ARHGAP24: variants seen among roughly 807,000 people sequenced by gnomAD.
ARHGAP24 encodes the protein rho GTPase-activating protein 24.
ARHGAP24 carries 50 observed loss-of-function variants against 76.4 expected under a neutral mutation model. The observed-to-expected ratio is 0.65, with a 90% CI of 0.52 to 0.83. The LOEUF is 0.83. ARHGAP24 is among the 40% of genes least tolerant of loss of function. ARHGAP24 has a pLI of 0.00. For missense variants in ARHGAP24, 930 were observed against 914.2 expected, an observed-to-expected ratio of 1.02 and a Z score of -0.22; for synonymous variants, 345 against 323.3, an observed-to-expected ratio of 1.07 and a Z score of -0.72.
intron 5 of ARHGAP24, among the ~76,000 whole-genome samples, chr4:85,967,882 G>T (rs908184361): frequency 6.6e-6 from 1 of 152,064 alleles, no homozygotes; most frequent in Non-Finnish European, 1.5e-5. Flanking sequence ...GGCCAAAATG[G>T]TTCAGAATGT....
chr4:85,994,793 A>T lies in ARHGAP24; in HGVS notation c.1139A>T (p.Glu380Val). 2 of 1,614,146 alleles carry T rather than the reference A, an allele frequency of 1.2e-6. No individual in the cohort carries two copies. The highest frequency in any genetic ancestry group is 1.7e-6 in the Non-Finnish European group (2 of 1,180,026). ...PSRQCSWDKS[E>V]SPQRSSMNNG... ...AGGCAGTGCTCCTGGGACAAGTCTGAGTCACCCCAGAGAAGCAGCATGAAC... is the reference window on the plus strand; with the variant it reads ...AGGCAGTGCTCCTGGGACAAGTCTGTGTCACCCCAGAGAAGCAGCATGAAC... Residue 380 changes from glutamate to valine, a missense_variant, in exon 9 of 10, where the codon GAG becomes GTG. Physicochemically the swap from Glu to Val is moderately radical, Grantham distance 121 (BLOSUM62 -2). Coordinates refer to ENST00000395184, the MANE Select transcript of ARHGAP24 (RefSeq NM_001025616.3).
chr4:85,622,194 C>A (rs1720741854), intron 2 of ARHGAP24, among the ~76,000 whole-genome samples: 1 of 151,142 alleles, frequency 6.6e-6, no homozygotes, highest in South Asian at 2.1e-4. Flanking sequence ...TGTGCTGCAC[C>A]CACTAACTTG....
chr4:85,502,774 G>A (rs1279225323), intron 1 of ARHGAP24, among the ~76,000 whole-genome samples: 1 of 152,174 alleles, frequency 6.6e-6, no homozygotes, highest in Non-Finnish European at 1.5e-5. Flanking sequence ...GGAGTGGTGA[G>A]AGAGGGCATC....
chr4:85,979,761 C>T (rs1364600109), intron 8 of ARHGAP24, among the ~76,000 whole-genome samples: 2 of 152,094 alleles, frequency 1.3e-5, no homozygotes, highest in Non-Finnish European at 2.9e-5. Flanking sequence ...CTTTACTTAC[C>T]AGCTTTTAAA....
At chr4:85,841,368 G>A (rs1280397409) in intron 3 of ARHGAP24, among the ~76,000 whole-genome samples, 1 of 152,174 alleles carries the variant, frequency 6.6e-6, no homozygotes, top group Non-Finnish European at 1.5e-5. Flanking sequence ...GCTAAACTGT[G>A]TTGATTGTAG....
chr4:85,939,023 G>A (rs1183928992), intron 4 of ARHGAP24, among the ~76,000 whole-genome samples: 8 of 152,146 alleles, frequency 5.3e-5, no homozygotes, highest in South Asian at 4.2e-4. Context: ...ATATCCCACC[G>A]CCTCGAACAA....
chr4:85,572,607 TATTA>T (rs1219953515), intron 2 of ARHGAP24, among the ~76,000 whole-genome samples: 3 of 152,142 alleles, frequency 2.0e-5, no homozygotes, highest in Non-Finnish European at 4.4e-5. Flanking sequence ...ATGAAAATTA[TATTA>T]ATTCATAGTA....
At chr4:85,684,167 A>C (rs1421833013) in intron 2 of ARHGAP24, among the ~76,000 whole-genome samples, 1 of 152,196 alleles carries the variant, frequency 6.6e-6, no homozygotes, top group East Asian at 1.9e-4. Flanking sequence ...TTTTTCAAGA[A>C]AGCTAAAAAC....
chr4:85,665,568 TG>T (rs1293477922), intron 2 of ARHGAP24, among the ~76,000 whole-genome samples: 4 of 152,322 alleles, frequency 2.6e-5, no homozygotes, highest in Non-Finnish European at 5.9e-5. Flanking sequence ...TGATGTTAGC[TG>T]GTTATTTTGC....
chr4:85,482,756 G>C (rs181953760), intron 1 of ARHGAP24, among the ~76,000 whole-genome samples: 1 of 152,158 alleles, frequency 6.6e-6, no homozygotes, highest in Non-Finnish European at 1.5e-5. Context: ...CTTGTCATAG[G>C]TTATCTCATT....
intron 3 of ARHGAP24, among the ~76,000 whole-genome samples, chr4:85,860,254 A>G (rs779005589): frequency 6.6e-6 from 1 of 151,784 alleles, no homozygotes; most frequent in Non-Finnish European, 1.5e-5. Context: ...GTGTAGAGAG[A>G]TGGGGGAGTC....
At chr4:85,564,389 G>A (rs1294147171) in intron 1 of ARHGAP24, among the ~76,000 whole-genome samples, 8 of 142,016 alleles carry the variant, frequency 5.6e-5, no homozygotes, top group Admixed American at 1.4e-4. Context: ...ACCGGGGCCT[G>A]TTGTGGGGTG....
chr4:85,872,511 G>T (rs1225009701), intron 3 of ARHGAP24, among the ~76,000 whole-genome samples: 1 of 150,200 alleles, frequency 6.7e-6, no homozygotes, highest in Non-Finnish European at 1.5e-5. Context: ...GGCCAGGCTG[G>T]TCTCAAACTC....
rs76650729 is a variant in ARHGAP24, at chr4:85,810,020, T to C, written c.268+88048T>C. ...TCATTTGTAACATATTATGAAATCA[T>C]AAAATTGGATAACATGAGAGTCTAT... On this transcript the variant is annotated intron_variant, in intron 3 of 9. Coordinates refer to ENST00000395184, the MANE Select transcript of ARHGAP24 (RefSeq NM_001025616.3). Among the ~76,000 whole-genome samples the C allele has an allele frequency of 4.1e-3, 621 of 152,308 alleles. 36 individuals are homozygous for C. The East Asian group carries it at 0.11, about 27-fold the overall frequency.
chr4:85,883,956 AC>A (rs1733408210), intron 3 of ARHGAP24, among the ~76,000 whole-genome samples: 1 of 152,186 alleles, frequency 6.6e-6, no homozygotes, highest in Admixed American at 6.5e-5. Flanking sequence ...TAAACCAAGA[AC>A]AACAACAAAA....
intron 2 of ARHGAP24, among the ~76,000 whole-genome samples, chr4:85,664,614 A>G (rs1328723469): frequency 1.3e-5 from 2 of 150,072 alleles, no homozygotes; most frequent in African/African-American, 2.5e-5. Flanking sequence ...TAGGGTGTCA[A>G]TTTTGGATCT....
intron 3 of ARHGAP24, among the ~76,000 whole-genome samples, chr4:85,864,693 G>A (rs1732096008): frequency 6.6e-6 from 1 of 151,738 alleles, no homozygotes; most frequent in African/African-American, 2.4e-5. Context: ...AGGATGGGAA[G>A]GAAGAAAGCA....
intron 3 of ARHGAP24, among the ~76,000 whole-genome samples, chr4:85,889,994 C>A (rs1022156945): frequency 6.6e-6 from 1 of 151,944 alleles, no homozygotes; most frequent in Non-Finnish European, 1.5e-5. Context: ...AAAGGAGTTA[C>A]AATTTTCATT....
chr4:85,980,820 C>A (rs1284825809), intron 8 of ARHGAP24, among the ~76,000 whole-genome samples: 1 of 152,062 alleles, frequency 6.6e-6, no homozygotes, highest in African/African-American at 2.4e-5. Flanking sequence ...ATGCTGTTGC[C>A]CTTTCACTGT....
Sources: allele counts gnomAD v4.1 joint callset (sites outside exome capture counted in the v4.1 genomes callset), GRCh38; gene constraint gnomAD v4.1.1; transcripts MANE v1.5; gene names NCBI Gene and HGNC (gene_info 2026-07-23, HGNC 2026-07-21).